GREB1L: variants seen among roughly 807,000 people sequenced by gnomAD.
GREB1L encodes GREB1 like retinoic acid receptor coactivator.
A neutral mutation model predicts 200.8 loss-of-function variants in GREB1L; 17 were observed. That is an observed-to-expected ratio of 0.08 (90% confidence interval 0.06 to 0.13). GREB1L has a LOEUF of 0.13. Among genes scored for constraint, GREB1L ranks in the 10% least tolerant of loss-of-function variants. The probability of loss-of-function intolerance (pLI) is 1.00; values close to 1 mark genes in which losing one functional copy is unlikely to be tolerated. For missense variants in GREB1L, 1,657 were observed against 2,367.7 expected, an observed-to-expected ratio of 0.70 and a Z score of 6.23; for synonymous variants, 789 against 893.0, an observed-to-expected ratio of 0.88 and a Z score of 2.08.
At position 21,264,503 on chromosome 18, in the gene GREB1L, G is replaced by C. The variant is rs201921314; in HGVS notation, c.-120+22110G>C. On this transcript the variant is annotated intron_variant, in intron 1 of 32. Coordinates refer to ENST00000424526, the MANE Select transcript of GREB1L (RefSeq NM_001142966.3). The stretch of plus-strand genomic sequence containing the variant: ...GGATGTTCATTGGAATAGAATACTC[G>C]GATTTAGAGGATTGGTTAATTAAAC... 2.1e-4 allele frequency among the ~76,000 whole-genome samples: 32 copies of C among 152,222 alleles called. No homozygotes were observed. The East Asian group carries it at 6.0e-3, about 28-fold the overall frequency.
In GREB1L at chr18:21,516,592, ATTG is replaced by A. The variant is rs1568079086; in HGVS notation, c.5130-16_5130-14del. 6.5e-7 allele frequency: 1 copy of A among 1,549,754 alleles called. No individual in the cohort carries two copies. Among genetic ancestry groups the A allele is most frequent in the African/African-American group, 1.4e-5 (1 of 73,126 alleles). On this transcript the variant is annotated intron_variant, in intron 29 of 32. Coordinates refer to ENST00000424526, the MANE Select transcript of GREB1L (RefSeq NM_001142966.3). ...TGAGATATGCCAGCGGAAGAAAACT[ATTG>A]TTGTGGTTACAATTTAGGTATTTCT...
intron 23 of GREB1L, 36 bp from the exon 24 acceptor site, chr18:21,505,376 C>T (rs2036971438): frequency 3.3e-6 from 5 of 1,533,766 alleles, no homozygotes; most frequent in Non-Finnish European, 3.5e-6. Context: ...AGAGGGAGGC[C>T]AGTCACCTGC....
At chr18:21,423,729 G>A (rs1333015012) in intron 7 of GREB1L, among the ~76,000 whole-genome samples, 2 of 152,134 alleles carry the variant, frequency 1.3e-5, no homozygotes, top group Admixed American at 1.3e-4. Flanking sequence ...AGGTGTGGTA[G>A]CCCACGCTTT....
chr18:21,392,852 A>C (rs1329562391), intron 4 of GREB1L, among the ~76,000 whole-genome samples: 1 of 151,882 alleles, frequency 6.6e-6, no homozygotes. Flanking sequence ...GCTCACTGCA[A>C]CCTCTGCCTC....
chr18:21,378,634 CA>C (rs2040175403), intron 2 of GREB1L, among the ~76,000 whole-genome samples: 1 of 152,220 alleles, frequency 6.6e-6, no homozygotes, highest in South Asian at 2.1e-4. Context: ...CTTGGCCTCC[CA>C]AAGTGCTGGG....
intron 5 of GREB1L, among the ~76,000 whole-genome samples, chr18:21,396,885 C>T (rs1257171540): frequency 6.6e-6 from 1 of 152,124 alleles, no homozygotes; most frequent in African/African-American, 2.4e-5. Flanking sequence ...GCTGCCATTT[C>T]TCTACTGTTG....
At chr18:21,250,209 T>G (rs1347784754) in intron 1 of GREB1L, among the ~76,000 whole-genome samples, 1 of 152,190 alleles carries the variant, frequency 6.6e-6, no homozygotes, top group African/African-American at 2.4e-5. Flanking sequence ...AATCTAGATC[T>G]TTTTACTTCA....
chr18:21,352,975 A>G (rs1357931157), intron 1 of GREB1L, among the ~76,000 whole-genome samples: 1 of 151,854 alleles, frequency 6.6e-6, no homozygotes, highest in Non-Finnish European at 1.5e-5. Flanking sequence ...AGGTCAGGAG[A>G]TTGAGACCAT....
intron 30 of GREB1L, 122 bp downstream of exon 30, chr18:21,516,876 A>ATTTTTT: frequency 2.1e-6 from 1 of 478,798 alleles, no homozygotes; most frequent in Non-Finnish European, 3.4e-6. Flanking sequence ...AACACAAGGG[A>ATTTTTT]GTTTTTTTTT....
At chr18:21,327,360 C>A (rs1055801285) in intron 1 of GREB1L, among the ~76,000 whole-genome samples, 3 of 152,140 alleles carry the variant, frequency 2.0e-5, no homozygotes, top group Non-Finnish European at 1.5e-5. Flanking sequence ...ATGTCCCAGA[C>A]CTGTTGGGTC....
intron 7 of GREB1L, among the ~76,000 whole-genome samples, chr18:21,424,601 C>A (rs913163874): frequency 1.3e-5 from 2 of 151,574 alleles, no homozygotes; most frequent in African/African-American, 4.9e-5. Flanking sequence ...GACTCTGTCT[C>A]AAAATAAAAT....
intron 14 of GREB1L, among the ~76,000 whole-genome samples, chr18:21,453,628 C>T (rs1490186463): frequency 1.3e-5 from 2 of 152,146 alleles, no homozygotes. Context: ...CTTAGAGTAT[C>T]TGGGAAATGT....
At chr18:21,397,883 G>A (rs1567978029) in intron 5 of GREB1L, among the ~76,000 whole-genome samples, 1 of 152,118 alleles carries the variant, frequency 6.6e-6, no homozygotes, top group Non-Finnish European at 1.5e-5. Flanking sequence ...AGGCTCTTAC[G>A]TAGGGACACA....
intron 1 of GREB1L, among the ~76,000 whole-genome samples, chr18:21,333,544 AG>A (rs2039138827): frequency 6.6e-6 from 1 of 151,856 alleles, no homozygotes; most frequent in African/African-American, 2.4e-5. Context: ...GTGTGGTGGC[AG>A]GTGCCTGTAA....
intron 17 of GREB1L, among the ~76,000 whole-genome samples, chr18:21,481,439 ATGTGTGTG>A (rs34711292): frequency 0.23 from 29,233 of 127,444 alleles, 4,042 homozygotes; most frequent in East Asian, 0.37. Flanking sequence ...GTATATATGT[ATGTGTGTG>A]TGTGTGTGTG....
At position 21,441,549 on chromosome 18, in the gene GREB1L, G is replaced by T; in HGVS notation, c.1207+12G>T. Reference sequence around the variant, plus strand: ...AGTAATTCTGATAGGTAAGGTAATGGAATTCCAAGTTGCCTGTGTCTGCTG... The same window carrying T: ...AGTAATTCTGATAGGTAAGGTAATGTAATTCCAAGTTGCCTGTGTCTGCTG... On this transcript the variant is annotated intron_variant, in intron 10 of 32. Coordinates refer to ENST00000424526, the MANE Select transcript of GREB1L (RefSeq NM_001142966.3). The T allele has an allele frequency of 6.5e-7, 1 of 1,541,954 alleles. No individual in the cohort carries two copies. Among genetic ancestry groups the T allele is most frequent in the South Asian group, 1.2e-5 (1 of 81,276 alleles).
chr18:21,295,327 A>G (rs1284733463), intron 1 of GREB1L, among the ~76,000 whole-genome samples: 1 of 149,460 alleles, frequency 6.7e-6, no homozygotes, highest in Non-Finnish European at 1.5e-5. Context: ...CCTAAAGGTC[A>G]TGACCCTAAC....
chr18:21,454,677 T>G, intron 15 of GREB1L, 114 bp downstream of exon 15: 1 of 798,712 alleles, frequency 1.3e-6, no homozygotes, highest in South Asian at 1.6e-5. Flanking sequence ...TCTTCAGTAA[T>G]AAAAATCATA....
rs372676188 is a variant in GREB1L at position 21,508,367 on chromosome 18, G to T, written c.4531-20G>T. On this transcript the variant is annotated intron_variant, in intron 26 of 32. Transcript: ENST00000424526. ...AGGCTTTAATTTCCCTTTATGGTCT[G>T]TTTTTTTCCCTTTCAGCAGAATTTG... 6.6e-5 allele frequency: 102 copies of T among 1,550,922 alleles called. No homozygotes were observed. Among genetic ancestry groups the T allele is most frequent in the Non-Finnish European group, 7.8e-5 (90 of 1,146,678 alleles).
Sources: gnomAD v4.1 joint callset for allele counts (sites outside exome capture counted in the v4.1 genomes callset) on GRCh38, gnomAD v4.1.1 for gene constraint, MANE v1.5 for transcripts, NCBI Gene and HGNC (gene_info 2026-07-23, HGNC 2026-07-21) for gene names.